The following KCNJ15 variants were observed in gnomAD, a reference collection of about 807,000 sequenced individuals.
KCNJ15 encodes ATP-sensitive inward rectifier potassium channel 15.
A neutral mutation model predicts 23.0 loss-of-function variants in KCNJ15; 14 were observed. The observed-to-expected ratio is 0.61, with a 90% CI of 0.40 to 0.95. The LOEUF (loss-of-function observed/expected upper bound fraction) is 0.95, where lower values mean the gene tolerates loss of function less well. Among genes scored for constraint, KCNJ15 ranks in the 40% least tolerant of loss-of-function variants. KCNJ15 has a pLI of 0.00. For missense variants in KCNJ15, 388 were observed against 461.8 expected (o/e 0.84, Z 1.46); for synonymous variants, 185 against 183.2 (o/e 1.01, Z -0.08).
At chr21:38,261,835 A>G (rs893108741) in intron 1 of KCNJ15, among the ~76,000 whole-genome samples, 2 of 152,224 alleles carry the variant, frequency 1.3e-5, no homozygotes, top group Non-Finnish European at 2.9e-5. Context: ...AATAATAAGC[A>G]TCTTCCTGAG....
chr21:38,238,652 T>G, intron 1 of KCNJ15: 3 of 566,940 alleles, frequency 5.3e-6, no homozygotes, highest in South Asian at 4.9e-5. Flanking sequence ...GACACGGAAT[T>G]GGCGCTGGGC....
intron 1 of KCNJ15, among the ~76,000 whole-genome samples, chr21:38,294,150 G>T (rs2008572): frequency 0.77 from 117,194 of 152,182 alleles, 45,501 homozygotes; most frequent in African/African-American, 0.87. Context: ...TATTTAAAAC[G>T]GTGATACTTA....
intron 1 of KCNJ15, among the ~76,000 whole-genome samples, chr21:38,277,705 A>G (rs1001588810): frequency 2.0e-5 from 3 of 152,196 alleles, no homozygotes; most frequent in Non-Finnish European, 4.4e-5. Context: ...AACACTGGGG[A>G]AGCTCATTTC....
At position 38,299,228 on chromosome 21, in the gene KCNJ15, T is replaced by A. The variant is rs754915064; in HGVS notation, c.-18-16T>A. Reference sequence around the variant, plus strand: ...CACATATGGCGATAATGAAACATCTTTGTCATTTCTCTAAGTGTTTCCAGA... The same window carrying A: ...CACATATGGCGATAATGAAACATCTATGTCATTTCTCTAAGTGTTTCCAGA... On this transcript the variant is annotated splice_polypyrimidine_tract_variant and intron_variant, in intron 2 of 2. Coordinates refer to ENST00000398938, the MANE Select transcript of KCNJ15 (RefSeq NM_170736.3). This position sits in a 1 kb window ranked among gnomAD's most constrained non-coding sequence, Gnocchi z 4.5. 1.3e-6 allele frequency: 2 copies of A among 1,564,264 alleles called. No homozygotes were observed. The highest frequency in any genetic ancestry group is 8.7e-7 in the Non-Finnish European group (1 of 1,151,246).
intron 2 of KCNJ15, among the ~76,000 whole-genome samples, chr21:38,297,695 T>C (rs1985302094): frequency 6.6e-6 from 1 of 152,236 alleles, no homozygotes; most frequent in Non-Finnish European, 1.5e-5. Flanking sequence ...AATTATATCC[T>C]GTACTTTTCT....
At chr21:38,253,469 G>C (rs1162024254), upstream of KCNJ15, among the ~76,000 whole-genome samples, 2 of 152,146 alleles carry the variant, frequency 1.3e-5, no homozygotes, top group Non-Finnish European at 2.9e-5. Flanking sequence ...GAGACAGCTG[G>C]CCATATCATG....
At chr21:38,262,797 T>C (rs1444088492) in intron 1 of KCNJ15, among the ~76,000 whole-genome samples, 4 of 151,832 alleles carry the variant, frequency 2.6e-5, no homozygotes. Context: ...CCTGCCTTAG[T>C]CTCCCAAATA....
chr21:38,238,310 C>T, intron 1 of KCNJ15: 1 of 714,186 alleles, frequency 1.4e-6, no homozygotes, highest in Non-Finnish European at 2.6e-6. Context: ...TACGCAGTGG[C>T]CTGGTCTTCC....
chr21:38,236,940 C>T (rs902009462), intron 1 of KCNJ15, among the ~76,000 whole-genome samples: 2 of 152,164 alleles, frequency 1.3e-5, no homozygotes, highest in African/African-American at 4.8e-5. Context: ...GGTCCAGAAG[C>T]AGACAGTCTA....
At chr21:38,255,130 C>A (rs1326527856), upstream of KCNJ15, among the ~76,000 whole-genome samples, 1 of 152,142 alleles carries the variant, frequency 6.6e-6, no homozygotes, top group Non-Finnish European at 1.5e-5. Flanking sequence ...AGATACACAA[C>A]AAAAGGAGTC....
At chr21:38,231,654 GTT>G (rs35570403) in intron 1 of KCNJ15, among the ~76,000 whole-genome samples, 69,844 of 150,640 alleles carry the variant, frequency 0.46, 16,901 homozygotes, top group East Asian at 0.86. Flanking sequence ...TTATTGAATA[GTT>G]TTTTTTTTAT....
At chr21:38,243,316 TG>T (rs1243701435) in intron 1 of KCNJ15, among the ~76,000 whole-genome samples, 1 of 152,222 alleles carries the variant, frequency 6.6e-6, no homozygotes, top group African/African-American at 2.4e-5. Context: ...TAACCTGTTT[TG>T]TTTTTTCCCC....
chr21:38,280,798 C>G (rs1983248978), intron 1 of KCNJ15, among the ~76,000 whole-genome samples: 1 of 152,146 alleles, frequency 6.6e-6, no homozygotes, highest in African/African-American at 2.4e-5. Flanking sequence ...CTCAGTGGCT[C>G]CTTTCTCAAC....
chr21:38,267,628 G>A (rs1165181956), intron 1 of KCNJ15, among the ~76,000 whole-genome samples: 1 of 152,170 alleles, frequency 6.6e-6, no homozygotes, highest in East Asian at 1.9e-4. Context: ...TATCAGAGAA[G>A]AGGAGATGGA....
chr21:38,231,740 T>C (rs1025493278), intron 1 of KCNJ15, among the ~76,000 whole-genome samples: 2 of 151,934 alleles, frequency 1.3e-5, no homozygotes, highest in African/African-American at 4.8e-5. Context: ...TTTGTTCTTC[T>C]TTCTATTGAT....
chr21:38,267,101 C>T (rs1053726528), intron 1 of KCNJ15, among the ~76,000 whole-genome samples: 2 of 152,074 alleles, frequency 1.3e-5, no homozygotes, highest in African/African-American at 4.8e-5. Context: ...GGAGAGACAC[C>T]GGTGCAAGGG....
intron 1 of KCNJ15, among the ~76,000 whole-genome samples, chr21:38,244,382 C>T (rs1021952778): frequency 2.6e-5 from 4 of 152,202 alleles, no homozygotes; most frequent in African/African-American, 9.7e-5. Context: ...ACCAGGGAAG[C>T]AGGGACCACG....
At chr21:38,295,435 A>T (rs1367378915) in intron 1 of KCNJ15, among the ~76,000 whole-genome samples, 2 of 152,182 alleles carry the variant, frequency 1.3e-5, no homozygotes, top group East Asian at 3.9e-4. Context: ...TTTAGAAATA[A>T]CTCCAAGAAC....
intron 1 of KCNJ15, chr21:38,238,700 T>A (rs1437505269): frequency 2.2e-6 from 1 of 447,654 alleles, no homozygotes; most frequent in Non-Finnish European, 4.2e-6. Flanking sequence ...AGGAGGAATG[T>A]CCTCTGAAAG....
Sources: gnomAD v4.1 joint callset for allele counts (sites outside exome capture counted in the v4.1 genomes callset) on GRCh38, gnomAD v4.1.1 for gene constraint, Gnocchi (gnomAD v3.1) non-coding constraint, MANE v1.5 for transcripts, NCBI Gene and HGNC (gene_info 2026-07-23, HGNC 2026-07-21) for gene names.